GALNTL6: variants seen among roughly 807,000 people sequenced by gnomAD.
GALNTL6 encodes polypeptide N-acetylgalactosaminyltransferase like 6, also known as polypeptide N-acetylgalactosaminyltransferase-like 6.
GALNTL6 carries 46 observed loss-of-function variants against 73.7 expected under a neutral mutation model. The observed-to-expected ratio is 0.62, with a 90% confidence interval of 0.49 to 0.80. The LOEUF (loss-of-function observed/expected upper bound fraction) is 0.80, where lower values mean the gene tolerates loss of function less well. GALNTL6 is among the 30% of genes least tolerant of loss of function. GALNTL6 has a pLI of 0.00. For synonymous variants in GALNTL6, 259 were observed against 263.7 expected (o/e 0.98, Z 0.17); for missense variants, 604 against 755.0 (o/e 0.80, Z 2.34).
chr4:171,918,795 A>G (rs55834722), intron 2 of GALNTL6, among the ~76,000 whole-genome samples: 34,903 of 152,016 alleles, frequency 0.23, 4,223 homozygotes, highest in Middle Eastern at 0.3. Context: ...AAATCATGGA[A>G]TATATTTAGC....
rs1200016840 is a variant in GALNTL6 at position 172,087,708 on chromosome 4, A to G, written c.139-141948A>G. Among the ~76,000 whole-genome samples, 4 of 151,276 alleles carry G rather than the reference A, an allele frequency of 2.6e-5. No homozygotes were observed. In the East Asian group the frequency reaches 7.7e-4, roughly 29 times the overall value. ...TGTATACTTGATTTTTTTTACAAGG[A>G]TTTTCTGTAAAGGTCCCCCTCAAAA... is the stretch of plus-strand genomic sequence containing the variant. On this transcript the variant is annotated intron_variant, in intron 2 of 12. Coordinates refer to ENST00000506823, the MANE Select transcript of GALNTL6 (RefSeq NM_001034845.3).
At chr4:172,718,456 A>G (rs1214354798) in intron 5 of GALNTL6, among the ~76,000 whole-genome samples, 1 of 151,848 alleles carries the variant, frequency 6.6e-6, no homozygotes, top group Non-Finnish European at 1.5e-5. Context: ...ACACAGGGAG[A>G]CCCTGTCTCT....
intron 8 of GALNTL6, among the ~76,000 whole-genome samples, chr4:172,904,130 C>A (rs1746761079): frequency 6.6e-6 from 1 of 152,132 alleles, no homozygotes; most frequent in Non-Finnish European, 1.5e-5. Flanking sequence ...TACATAATTA[C>A]AATGGAAAAA....
At chr4:172,121,405 C>G (rs72992501) in intron 2 of GALNTL6, among the ~76,000 whole-genome samples, 1,625 of 152,106 alleles carry the variant, frequency 0.011, 32 homozygotes, top group African/African-American at 0.036. Flanking sequence ...CCTTCCCCAG[C>G]TCTATTTGTC....
Position 172,617,852 on chromosome 4 carries a change from G to A in GALNTL6, c.554-191509G>A, listed in dbSNP as rs189272622. Among the ~76,000 whole-genome samples the A allele has an allele frequency of 3.2e-3, 492 of 152,228 alleles. 3 individuals carry two copies. Among genetic ancestry groups the A allele is most frequent in the African/African-American group, 0.011 (458 of 41,540 alleles). ...AGATAAATACAAAATACCAAATGGA[G>A]TGAATGATTTCATCTTTACATAACC... On this transcript the variant is annotated intron_variant, in intron 5 of 12. Transcript: ENST00000506823.
chr4:172,267,463 T>C (rs1227411982), intron 3 of GALNTL6, among the ~76,000 whole-genome samples: 1 of 152,122 alleles, frequency 6.6e-6, no homozygotes, highest in African/African-American at 2.4e-5. Context: ...TAATTTTTAT[T>C]GGTTCTTTTA....
intron 2 of GALNTL6, among the ~76,000 whole-genome samples, chr4:171,936,171 T>C (rs905539762): frequency 6.6e-6 from 1 of 152,184 alleles, no homozygotes; most frequent in Admixed American, 6.5e-5. Flanking sequence ...GGTGTTGCCA[T>C]AATCAAATGT....
chr4:172,974,916 C>T, intron 10 of GALNTL6, among the ~76,000 whole-genome samples: 1 of 152,244 alleles, frequency 6.6e-6, no homozygotes, highest in East Asian at 1.9e-4. Flanking sequence ...CACAGTGATG[C>T]TCAGAAGCCT....
At chr4:171,982,764 T>C (rs886324791) in intron 2 of GALNTL6, among the ~76,000 whole-genome samples, 17 of 152,180 alleles carry the variant, frequency 1.1e-4, no homozygotes, top group African/African-American at 3.4e-4. Context: ...TTCTCTGTTC[T>C]GTAATTGATG....
intron 2 of GALNTL6, among the ~76,000 whole-genome samples, chr4:171,824,321 A>G (rs1433497426): frequency 6.6e-6 from 1 of 151,948 alleles, no homozygotes; most frequent in African/African-American, 2.4e-5. Flanking sequence ...GGTGAAGGGC[A>G]TGGACACTAG....
At chr4:172,845,015 A>G (rs113918099) in intron 7 of GALNTL6, among the ~76,000 whole-genome samples, 334 of 152,158 alleles carry the variant, frequency 2.2e-3, no homozygotes, top group African/African-American at 5.5e-3. Context: ...AGAGATAGAG[A>G]CCATCCTGGC....
chr4:172,959,542 G>C (rs978035134), intron 10 of GALNTL6, among the ~76,000 whole-genome samples: 4 of 151,972 alleles, frequency 2.6e-5, no homozygotes, highest in Non-Finnish European at 5.9e-5. Flanking sequence ...TTAAGAAGGG[G>C]ATAGACTTAC....
intron 9 of GALNTL6, among the ~76,000 whole-genome samples, chr4:172,948,996 G>A (rs1307229193): frequency 2.0e-5 from 3 of 152,176 alleles, no homozygotes; most frequent in African/African-American, 4.8e-5. Context: ...TGACTGCACC[G>A]GAATTAGTTA....
chr4:172,307,341 C>T (rs577684837), intron 3 of GALNTL6, among the ~76,000 whole-genome samples: 1 of 152,298 alleles, frequency 6.6e-6, no homozygotes, highest in South Asian at 2.1e-4. Flanking sequence ...TTTCACTGCA[C>T]AGAAACTTTT....
At chr4:172,008,113 G>T (rs983950787) in intron 2 of GALNTL6, among the ~76,000 whole-genome samples, 1 of 151,982 alleles carries the variant, frequency 6.6e-6, no homozygotes, top group Non-Finnish European at 1.5e-5. Context: ...ATTTTCATTT[G>T]CTTGTTTGCA....
chr4:171,929,394 G>A (rs986509398), intron 2 of GALNTL6, among the ~76,000 whole-genome samples: 34 of 152,060 alleles, frequency 2.2e-4, no homozygotes, highest in African/African-American at 7.0e-4. Flanking sequence ...TCTTACAATC[G>A]TTTAAACATT....
intron 5 of GALNTL6, among the ~76,000 whole-genome samples, chr4:172,755,481 G>T (rs1227844634): frequency 6.6e-6 from 1 of 152,186 alleles, no homozygotes; most frequent in African/African-American, 2.4e-5. Context: ...TCCATCAGTT[G>T]TCTGTCTCCT....
intron 3 of GALNTL6, among the ~76,000 whole-genome samples, chr4:172,291,019 A>G (rs1299188536): frequency 1.3e-5 from 2 of 151,990 alleles, no homozygotes; most frequent in African/African-American, 2.4e-5. Flanking sequence ...AAATTGCAAC[A>G]TCATCCATTT....
intron 5 of GALNTL6, among the ~76,000 whole-genome samples, chr4:172,374,913 TC>T (rs1458777312): frequency 3.3e-5 from 5 of 152,148 alleles, no homozygotes; most frequent in African/African-American, 1.2e-4. Flanking sequence ...TCTGAAAACT[TC>T]CCCAGGTCTG....
Sources: gnomAD v4.1 joint callset for allele counts (sites outside exome capture counted in the v4.1 genomes callset) on GRCh38, gnomAD v4.1.1 for gene constraint, MANE v1.5 for transcripts, NCBI Gene and HGNC (gene_info 2026-07-23, HGNC 2026-07-21) for gene names.